Variants in CA10 observed in about 807,000 individuals in gnomAD.
CA10 encodes carbonic anhydrase-related protein 10.
Under a neutral mutation model 44.2 loss-of-function variants are expected in CA10, and 14 were observed. The ratio of observed to expected loss-of-function variants is 0.32; its 90% CI spans 0.21 to 0.50. The LOEUF (loss-of-function observed/expected upper bound fraction) is 0.50, where lower values mean the gene tolerates loss of function less well. Among genes scored for constraint, CA10 ranks in the 20% least tolerant of loss-of-function variants. CA10 has a pLI of 0.99. For synonymous variants in CA10, 159 were observed against 141.6 expected, an observed-to-expected ratio of 1.12 and a Z score of -0.87; for missense variants, 350 against 409.7, an observed-to-expected ratio of 0.85 and a Z score of 1.26.
At chr17:51,845,976 A>T (rs977663032) in intron 3 of CA10, among the ~76,000 whole-genome samples, 1 of 152,168 alleles carries the variant, frequency 6.6e-6, no homozygotes, top group East Asian at 1.9e-4. Context: ...GGGAATTCAC[A>T]TATCTATGTG....
chr17:51,913,462 T>C (rs1291194990), intron 3 of CA10, among the ~76,000 whole-genome samples: 1 of 152,142 alleles, frequency 6.6e-6, no homozygotes, highest in Non-Finnish European at 1.5e-5. Context: ...AAATTGTTTG[T>C]CTGAGATTTT....
chr17:51,946,483 T>C (rs188091800), intron 2 of CA10, among the ~76,000 whole-genome samples: 1 of 152,250 alleles, frequency 6.6e-6, no homozygotes, highest in Non-Finnish European at 1.5e-5. Context: ...CCCTTTGCTG[T>C]CTGGCAGCAA....
chr17:51,774,584 C>G (rs552260746), intron 3 of CA10, among the ~76,000 whole-genome samples: 20 of 152,042 alleles, frequency 1.3e-4, no homozygotes, highest in African/African-American at 4.8e-4. Flanking sequence ...GGACTACAGG[C>G]GCACACCACC....
At chr17:52,159,611 G>A (rs1598247313), upstream of CA10, 2 of 151,458 alleles carry the variant, frequency 1.3e-5, no homozygotes, top group Non-Finnish European at 2.9e-5. Context: ...ACCCGCGCGC[G>A]CACACACACA....
At chr17:51,885,608 C>T (rs769295681) in intron 3 of CA10, among the ~76,000 whole-genome samples, 3 of 152,174 alleles carry the variant, frequency 2.0e-5, no homozygotes, top group Non-Finnish European at 4.4e-5. Flanking sequence ...TTTCTGGGTC[C>T]CTTTCAGTTA....
chr17:51,959,816 A>C (rs1347347158), intron 2 of CA10, among the ~76,000 whole-genome samples: 2 of 134,566 alleles, frequency 1.5e-5, no homozygotes, highest in African/African-American at 5.5e-5. Context: ...AAAAAAAAGG[A>C]AAGAAAAGAA....
chr17:51,748,202 G>T (rs1196204829), intron 3 of CA10, among the ~76,000 whole-genome samples: 2 of 152,136 alleles, frequency 1.3e-5, no homozygotes, highest in East Asian at 3.9e-4. Context: ...GTTAGCAAGG[G>T]GTGAGATATT....
intron 4 of CA10, among the ~76,000 whole-genome samples, chr17:51,696,083 A>G (rs185861572): frequency 8.5e-4 from 129 of 152,192 alleles, no homozygotes; most frequent in Non-Finnish European, 1.1e-3. Flanking sequence ...TTCGTTGCAG[A>G]TTTTTACATC....
intron 3 of CA10, among the ~76,000 whole-genome samples, chr17:51,882,514 G>T (rs943366141): frequency 6.6e-6 from 1 of 152,176 alleles, no homozygotes; most frequent in South Asian, 2.1e-4. Context: ...GAACTAAATG[G>T]GGCTGGCTTT....
At chr17:52,140,172 G>T (rs1989446150) in intron 1 of CA10, among the ~76,000 whole-genome samples, 1 of 152,088 alleles carries the variant, frequency 6.6e-6, no homozygotes, top group African/African-American at 2.4e-5. Context: ...GGTGGTTATA[G>T]GACTGTCTTT....
At chr17:51,922,386 C>T (rs1006535572) in intron 3 of CA10, among the ~76,000 whole-genome samples, 15 of 152,292 alleles carry the variant, frequency 9.8e-5, no homozygotes, top group African/African-American at 3.4e-4. Flanking sequence ...GCCATGTATT[C>T]TCTCCCAAAT....
intron 2 of CA10, among the ~76,000 whole-genome samples, chr17:51,995,307 T>C (rs1048572858): frequency 1.3e-5 from 2 of 152,072 alleles, no homozygotes; most frequent in African/African-American, 4.8e-5. Context: ...ATTCTTTAAT[T>C]AAAATTGTTA....
Position 52,158,084 on chromosome 17 carries a change from G to A in CA10, c.-298C>T. ...CGTGTCTCTTCTCTTCGCACCAGCG[G>A]CGGAAACCGCACTAGCAGCGGCGGC... On this transcript the variant is annotated 5_prime_UTR_variant, in exon 1 of 9. Coordinates refer to ENST00000451037, the MANE Select transcript of CA10 (RefSeq NM_020178.5). 1.9e-6 allele frequency: 1 copy of A among 516,898 alleles called. No homozygotes were observed. The highest frequency in any genetic ancestry group is 3.5e-6 in the Non-Finnish European group (1 of 287,864). The allele number at this position is 516,898 out of a possible 1,614,324, so 32.0% of individuals were successfully genotyped here. A position where few individuals can be genotyped will look rare whatever the true frequency, so the allele number is the denominator to read the frequency against.
chr17:51,772,462 T>C (rs1451681322), intron 3 of CA10, among the ~76,000 whole-genome samples: 1 of 152,198 alleles, frequency 6.6e-6, no homozygotes, highest in Non-Finnish European at 1.5e-5. Flanking sequence ...TTGATATATA[T>C]ATATCCCTAA....
chr17:51,955,393 G>A (rs1983629255), intron 2 of CA10, among the ~76,000 whole-genome samples: 1 of 152,082 alleles, frequency 6.6e-6, no homozygotes, highest in Admixed American at 6.6e-5. Flanking sequence ...CAAGCCAGGT[G>A]CTTTTTGGAA....
intron 4 of CA10, among the ~76,000 whole-genome samples, chr17:51,738,571 A>G (rs369358213): frequency 2.0e-5 from 3 of 152,310 alleles, no homozygotes; most frequent in East Asian, 3.9e-4. Context: ...ATCAGGCACT[A>G]TTATGGCTCG....
In CA10 at chr17:51,978,710, TCTC is replaced by T. The variant is rs1984547649; in HGVS notation, c.137-47581_137-47579del. On this transcript the variant is annotated intron_variant, in intron 2 of 8. Transcript: ENST00000451037. ...TATATTTCATCAAAATGAAAAATCT[TCTC>T]CTCATTAAAAGGCCTTTGCAATGTA... 2.6e-5 allele frequency among the ~76,000 whole-genome samples: 4 copies of T among 152,028 alleles called. 1 individual carries two copies. The South Asian group carries it at 8.3e-4, about 32-fold the overall frequency.
intron 2 of CA10, among the ~76,000 whole-genome samples, chr17:51,939,937 G>A (rs1056482018): frequency 6.6e-6 from 1 of 151,802 alleles, no homozygotes; most frequent in Non-Finnish European, 1.5e-5. Context: ...TAAGGTTTCT[G>A]GGTTTTCTCT....
intron 2 of CA10, among the ~76,000 whole-genome samples, chr17:51,980,410 A>T (rs1207992449): frequency 6.6e-6 from 1 of 152,058 alleles, no homozygotes; most frequent in Admixed American, 6.6e-5. Flanking sequence ...TTCCTTATAT[A>T]TATTGGGTAT....
Sources: gnomAD v4.1 joint callset for allele counts (sites outside exome capture counted in the v4.1 genomes callset) on GRCh38, gnomAD v4.1.1 for gene constraint, MANE v1.5 for transcripts, NCBI Gene and HGNC (gene_info 2026-07-23, HGNC 2026-07-21) for gene names.